Variants in MBD2 observed in about 807,000 individuals in gnomAD.
The protein encoded by MBD2 is methyl-CpG binding domain protein 2, also known as methyl-CpG-binding domain protein 2.
In MBD2, 9 loss-of-function variants were observed where a neutral mutation model predicts 39.3. The ratio of observed to expected loss-of-function variants is 0.23; its 90% CI spans 0.14 to 0.40. The LOEUF is 0.40. Among genes scored for constraint, MBD2 ranks in the 10% least tolerant of loss-of-function variants. MBD2 has a pLI of 1.00. For synonymous variants in MBD2, 233 were observed against 211.1 expected (o/e 1.10, Z -0.90); for missense variants, 458 against 532.6 (o/e 0.86, Z 1.38).
rs1037512670 is a variant in MBD2, at chr18:54,155,192, G to A, written c.*132C>T. ...AATACATCTAAAAAGGCATTGGTTA[G>A]TGCTATTAAAAAGCTCTATGTGCTC... On this transcript the variant is annotated 3_prime_UTR_variant, in exon 7 of 7. Coordinates refer to ENST00000256429, the MANE Select transcript of MBD2 (RefSeq NM_003927.5). The A allele has an allele frequency of 2.6e-5, 4 of 152,168 alleles. No homozygotes were observed. Among genetic ancestry groups the A allele is most frequent in the Non-Finnish European group, 5.9e-5 (4 of 68,000 alleles). The allele number at this position is 152,168 out of a possible 1,614,324, so 9.4% of individuals were successfully genotyped here.
rs1307373099 is a variant in MBD2 at position 54,175,038 on chromosome 18, GA to G, written c.841-8873del. Among the ~76,000 whole-genome samples, 6 of 152,320 alleles carry G rather than the reference GA, an allele frequency of 3.9e-5. No homozygotes were observed. The East Asian group carries it at 1.2e-3, about 29-fold the overall frequency. ...CAGTAGGTCTGGCTTATTCTTACAT[GA>G]AAACTGGAGAAAATTCACCAAACTG... On this transcript the variant is annotated intron_variant, in intron 3 of 6. Transcript: ENST00000256429.
chr18:54,176,564 A>C (rs1011878812), intron 3 of MBD2, among the ~76,000 whole-genome samples: 3 of 152,228 alleles, frequency 2.0e-5, no homozygotes, highest in African/African-American at 7.2e-5. Flanking sequence ...AAAAGGCTAA[A>C]TATACAAGAC....
chr18:54,198,184 G>A (rs1402834578), intron 2 of MBD2, among the ~76,000 whole-genome samples: 4 of 152,168 alleles, frequency 2.6e-5, no homozygotes, highest in Non-Finnish European at 5.9e-5. Context: ...GGGCTCTGAT[G>A]GTGGTGAACT....
At chr18:54,165,487 A>G (rs1203500343) in intron 4 of MBD2, among the ~76,000 whole-genome samples, 1 of 152,240 alleles carries the variant, frequency 6.6e-6, no homozygotes, top group Non-Finnish European at 1.5e-5. Context: ...TTTAGAAGCC[A>G]AAGTTTTAAT....
At chr18:54,197,771 T>C (rs1317274164) in intron 2 of MBD2, among the ~76,000 whole-genome samples, 1 of 152,206 alleles carries the variant, frequency 6.6e-6, no homozygotes, top group African/African-American at 2.4e-5. Context: ...ATCATCATCA[T>C]ACTACAACAG....
intron 1 of MBD2, among the ~76,000 whole-genome samples, chr18:54,221,617 A>G (rs2086613675): frequency 6.7e-6 from 1 of 149,864 alleles, no homozygotes; most frequent in Non-Finnish European, 1.5e-5. Flanking sequence ...TCTACTAAAA[A>G]TACAAAAATT....
chr18:54,159,207 G>C (rs1383969475), intron 6 of MBD2, among the ~76,000 whole-genome samples: 1 of 152,026 alleles, frequency 6.6e-6, no homozygotes, highest in Non-Finnish European at 1.5e-5. Flanking sequence ...TTTCCACCTG[G>C]TCTTAATGAA....
rs1476732165 is a variant in MBD2, at chr18:54,152,480, C to T, written c.*2844G>A. 6.6e-6 allele frequency: 1 copy of T among 152,114 alleles called. No homozygotes were observed. Among genetic ancestry groups the T allele is most frequent in the Admixed American group, 6.5e-5 (1 of 15,270 alleles). 9.4% of individuals were successfully genotyped at this position (152,114 alleles called of 1,614,324 possible). A position where few individuals can be genotyped will look rare whatever the true frequency, so the allele number is the denominator to read the frequency against. On this transcript the variant is annotated 3_prime_UTR_variant, in exon 7 of 7. Transcript: ENST00000256429. ...GAGTGCTTACTAGGTGCCAGTCACT[C>T]AGCTAAGTGCTGGGGCTGTAACGGG... is the stretch of plus-strand genomic sequence containing the variant.
chr18:54,174,732 T>C (rs2086199710), intron 3 of MBD2, among the ~76,000 whole-genome samples: 1 of 152,252 alleles, frequency 6.6e-6, no homozygotes, highest in Admixed American at 6.5e-5. Flanking sequence ...ATCATTTCTA[T>C]TGGAAGATGT....
At chr18:54,189,245 A>G (rs905086621) in intron 2 of MBD2, among the ~76,000 whole-genome samples, 2 of 135,322 alleles carry the variant, frequency 1.5e-5, no homozygotes, top group East Asian at 2.1e-4. Flanking sequence ...TTTTTTTGAG[A>G]CGGAGTCTCA....
intron 2 of MBD2, chr18:54,202,731 C>T (rs954215538): frequency 1.4e-6 from 2 of 1,393,910 alleles, no homozygotes; most frequent in Non-Finnish European, 1.9e-6. Context: ...CCACTATACA[C>T]TTCTAGAATG....
chr18:54,156,220 G>A (rs1384397299), intron 6 of MBD2, among the ~76,000 whole-genome samples: 2 of 152,094 alleles, frequency 1.3e-5, no homozygotes, highest in Non-Finnish European at 2.9e-5. Context: ...ATTTGAGTAA[G>A]GTAAATGTAA....
intron 1 of MBD2, among the ~76,000 whole-genome samples, chr18:54,217,035 G>A (rs1159391143): frequency 6.6e-6 from 1 of 152,184 alleles, no homozygotes; most frequent in East Asian, 1.9e-4. Context: ...GGTGCAGTGA[G>A]TGGAGATCAC....
chr18:54,205,458 G>C (rs960055072), intron 1 of MBD2, among the ~76,000 whole-genome samples: 2 of 151,942 alleles, frequency 1.3e-5, no homozygotes, highest in Admixed American at 6.6e-5. Flanking sequence ...GGGCATGGTG[G>C]TGGGCGCCTG....
In MBD2 at chr18:54,188,979, A is replaced by G. The variant is rs2086301215; in HGVS notation, c.735T>C (p.Ile245=). The part of the protein sequence containing the change: ...GKPDLNTTLP[I]RQTASIFKQP... ...GTTTGAAAATTGATGCTGTTTGTCTAATTGGCAATGTTGTATTCAAGTCTG... is the reference window on the plus strand; with the variant it reads ...GTTTGAAAATTGATGCTGTTTGTCTGATTGGCAATGTTGTATTCAAGTCTG... Residue 245 remains isoleucine (I), a synonymous_variant, in exon 3 of 7, where the codon ATT becomes ATC. Transcript: ENST00000256429. The G allele has an allele frequency of 6.2e-7, 1 of 1,608,892 alleles. No homozygotes were observed. Among genetic ancestry groups the G allele is most frequent in the Non-Finnish European group, 8.5e-7 (1 of 1,176,628 alleles).
In MBD2 at chr18:54,224,622, C is replaced by T. The variant is rs996749060; in HGVS notation, c.-63G>A. 7.9e-6 allele frequency: 9 copies of T among 1,141,490 alleles called. No homozygotes were observed. The highest frequency in any genetic ancestry group is 4.5e-5 in the South Asian group (1 of 22,332). The allele number at this position is 1,141,490 out of a possible 1,614,324, so 70.7% of individuals were successfully genotyped here. A position where few individuals can be genotyped will look rare whatever the true frequency, so the allele number is the denominator to read the frequency against. On this transcript the variant is annotated 5_prime_UTR_variant, in exon 1 of 7. Transcript: ENST00000256429. ...AACCGAGCCCTTGGAATCCCGGAGA[C>T]CCGCCCCGCCCGCAGCGCGGCGCGC...
chr18:54,220,904 G>A (rs1212732764), intron 1 of MBD2, among the ~76,000 whole-genome samples: 1 of 152,146 alleles, frequency 6.6e-6, no homozygotes. Context: ...AGAAAAACAA[G>A]ACTGGTTGTT....
chr18:54,209,297 CAAAAAAA>C (rs34165824), intron 1 of MBD2, among the ~76,000 whole-genome samples: 37 of 67,604 alleles, frequency 5.5e-4, no homozygotes, highest in African/African-American at 2.4e-3. Flanking sequence ...ACTCCATCTC[CAAAAAAA>C]AAAAAAAAAA....
intron 2 of MBD2, among the ~76,000 whole-genome samples, chr18:54,191,558 C>T (rs1241556238): frequency 6.6e-6 from 1 of 152,232 alleles, no homozygotes; most frequent in African/African-American, 2.4e-5. Flanking sequence ...GTAGTGGCCT[C>T]AGGGTCTCCT....
Sources: gnomAD v4.1 joint callset for allele counts (sites outside exome capture counted in the v4.1 genomes callset) on GRCh38, gnomAD v4.1.1 for gene constraint, MANE v1.5 for transcripts, NCBI Gene and HGNC (gene_info 2026-07-23, HGNC 2026-07-21) for gene names.